The following CTIF variants were observed in gnomAD, a reference collection of about 807,000 sequenced individuals.
The protein encoded by CTIF is CBP80/20-dependent translation initiation factor.
A neutral mutation model predicts 66.0 loss-of-function variants in CTIF; 21 were observed. That is an observed-to-expected ratio of 0.32 (90% confidence interval 0.23 to 0.46). The LOEUF is 0.46. Ranked by LOEUF, CTIF falls within the 20% of genes least tolerant of loss-of-function variation. CTIF has a pLI of 1.00. For synonymous variants in CTIF, 345 were observed against 326.4 expected (o/e 1.06, Z -0.62); for missense variants, 739 against 812.7 (o/e 0.91, Z 1.10).
At chr18:48,664,905 C>CTTT (rs1321412907) in intron 5 of CTIF, among the ~76,000 whole-genome samples, 5 of 62,686 alleles carry the variant, frequency 8.0e-5, no homozygotes, top group Non-Finnish European at 1.3e-4. Flanking sequence ...CTGTGTGTTT[C>CTTT]TTTCTTTTTT....
Position 48,681,540 on chromosome 18 carries a change from A to G in CTIF, c.507+10796A>G, listed in dbSNP as rs577932892. 1.1e-4 allele frequency among the ~76,000 whole-genome samples: 17 copies of G among 152,298 alleles called. No individual in the cohort carries two copies. In the South Asian group the frequency reaches 3.5e-3, roughly 32 times the overall value. On this transcript the variant is annotated intron_variant, in intron 6 of 11. Coordinates refer to ENST00000256413, the MANE Select transcript of CTIF (RefSeq NM_014772.3). ...GGAAACTGAGAGACCCAGAAAGGCA[A>G]ACTTCTCATTGCCTTGCTTAAAAAT...
intron 9 of CTIF, among the ~76,000 whole-genome samples, chr18:48,786,756 C>G (rs926004640): frequency 6.6e-6 from 1 of 152,162 alleles, no homozygotes; most frequent in Non-Finnish European, 1.5e-5. Flanking sequence ...CCTGGAACTT[C>G]GAAGGGAAAG....
chr18:48,716,055 C>T (rs2092278423), intron 7 of CTIF, among the ~76,000 whole-genome samples: 1 of 152,224 alleles, frequency 6.6e-6, no homozygotes, highest in African/African-American at 2.4e-5. Flanking sequence ...CAGCTGAGGG[C>T]TGTCTGCACA....
intron 6 of CTIF, among the ~76,000 whole-genome samples, chr18:48,685,684 T>A (rs73445536): frequency 1.3e-4 from 20 of 152,214 alleles, no homozygotes; most frequent in African/African-American, 4.8e-4. Context: ...TTTTCTTTTT[T>A]TAATTTTTTT....
In CTIF at chr18:48,769,846, C is replaced by T. The variant is rs531257582; in HGVS notation, c.1371+8157C>T. Among the ~76,000 whole-genome samples, 8 of 152,324 alleles carry T rather than the reference C, an allele frequency of 5.3e-5. No homozygotes were observed. In the South Asian group the frequency reaches 1.7e-3, roughly 32 times the overall value. Reference sequence around the variant, plus strand: ...CTATATACCATGCACTGTGGCAGGTCCTGTATGTCTCTGTTCATTTGCCCT... The same window carrying T: ...CTATATACCATGCACTGTGGCAGGTTCTGTATGTCTCTGTTCATTTGCCCT... On this transcript the variant is annotated intron_variant, in intron 9 of 11. Transcript: ENST00000256413.
intron 1 of CTIF, among the ~76,000 whole-genome samples, chr18:48,606,852 G>T (rs560913708): frequency 2.6e-5 from 4 of 152,184 alleles, no homozygotes; most frequent in African/African-American, 7.2e-5. Flanking sequence ...GTACAAGGGG[G>T]ACAAAAATAA....
chr18:48,545,669 G>A (rs1033197338), intron 1 of CTIF, among the ~76,000 whole-genome samples: 3 of 152,160 alleles, frequency 2.0e-5, no homozygotes, highest in East Asian at 1.9e-4. Context: ...TCAGTGCTCC[G>A]GTATTGAATT....
intron 1 of CTIF, among the ~76,000 whole-genome samples, chr18:48,543,043 G>A (rs1479495691): frequency 6.6e-6 from 1 of 152,240 alleles, no homozygotes; most frequent in Non-Finnish European, 1.5e-5. Flanking sequence ...CTGCCTTACA[G>A]GTCTGTGTAG....
chr18:48,637,719 C>T (rs919248898), intron 3 of CTIF, among the ~76,000 whole-genome samples: 10 of 152,238 alleles, frequency 6.6e-5, no homozygotes, highest in African/African-American at 1.7e-4. Flanking sequence ...TGTGGAGGGA[C>T]GGCTGCCCAG....
chr18:48,753,390 G>A (rs1250277378), intron 7 of CTIF, among the ~76,000 whole-genome samples: 2 of 152,148 alleles, frequency 1.3e-5, no homozygotes, highest in Non-Finnish European at 2.9e-5. Context: ...TTGGACTGCT[G>A]TTAAAACCAT....
chr18:48,625,257 C>T (rs66825173), intron 2 of CTIF: 39,591 of 976,770 alleles, frequency 0.041, 906 homozygotes, highest in South Asian at 0.071. Flanking sequence ...AGGAGGACTG[C>T]GGGGTGGTTC....
chr18:48,694,190 C>T (rs532793630), intron 6 of CTIF, among the ~76,000 whole-genome samples: 1 of 152,350 alleles, frequency 6.6e-6, no homozygotes, highest in South Asian at 2.1e-4. Flanking sequence ...GTTTTCTCTG[C>T]AGGCTGTGAG....
Position 48,794,695 on chromosome 18 carries a change from C to CAGATGCCCTCTGG in CTIF, c.1372-22506_1372-22494dup, listed in dbSNP as rs536522021. The stretch of plus-strand genomic sequence containing the variant: ...TGATTGAAGGCAGGTGGGATCGAAG[C>CAGATGCCCTCTGG]AGATGCCCTCTGGAGATGCCCTCTG... On this transcript the variant is annotated intron_variant, in intron 9 of 11. Coordinates refer to ENST00000256413, the MANE Select transcript of CTIF (RefSeq NM_014772.3). Among the ~76,000 whole-genome samples, 6 of 152,180 alleles carry CAGATGCCCTCTGG rather than the reference C, an allele frequency of 3.9e-5. No homozygotes were observed. In the South Asian group the frequency reaches 6.2e-4, roughly 16 times the overall value.
intron 3 of CTIF, among the ~76,000 whole-genome samples, chr18:48,651,924 C>T (rs1000068107): frequency 6.6e-6 from 1 of 152,170 alleles, no homozygotes; most frequent in Non-Finnish European, 1.5e-5. Flanking sequence ...CCAGTGAGAA[C>T]AAAGACACAA....
chr18:48,631,054 G>T (rs1207188286), intron 2 of CTIF, among the ~76,000 whole-genome samples: 1 of 152,284 alleles, frequency 6.6e-6, no homozygotes, highest in East Asian at 1.9e-4. Context: ...CACTGAAATG[G>T]GGGCCTGGTC....
intron 5 of CTIF, among the ~76,000 whole-genome samples, chr18:48,670,282 G>GCCCCTGCCAGCCTAT (rs2091507812): frequency 6.6e-6 from 1 of 152,178 alleles, no homozygotes; most frequent in Admixed American, 6.5e-5. Flanking sequence ...TTTTCTGCTA[G>GCCCCTGCCAGCCTAT]CCCCTGCCAG....
intron 9 of CTIF, among the ~76,000 whole-genome samples, chr18:48,804,126 G>A (rs538161805): frequency 1.5e-4 from 23 of 152,300 alleles, no homozygotes; most frequent in Admixed American, 3.9e-4. Context: ...GTCAGGGGTC[G>A]TTGGCCAGGG....
chr18:48,590,068 T>C (rs1372327151), intron 1 of CTIF, among the ~76,000 whole-genome samples: 1 of 152,126 alleles, frequency 6.6e-6, no homozygotes, highest in Non-Finnish European at 1.5e-5. Context: ...TCCTGACCTG[T>C]GTCTGGCCTT....
At chr18:48,583,730 G>A (rs759936634) in intron 1 of CTIF, among the ~76,000 whole-genome samples, 1 of 152,164 alleles carries the variant, frequency 6.6e-6, no homozygotes, top group Non-Finnish European at 1.5e-5. Flanking sequence ...CTGGGCAGTC[G>A]ACCAGTGGGA....
Sources: gnomAD v4.1 joint callset for allele counts (sites outside exome capture counted in the v4.1 genomes callset) on GRCh38, gnomAD v4.1.1 for gene constraint, MANE v1.5 for transcripts, NCBI Gene and HGNC (gene_info 2026-07-23, HGNC 2026-07-21) for gene names.